STAG1: variants seen among roughly 807,000 people sequenced by gnomAD.
The protein encoded by STAG1 is STAG1 cohesin complex component.
STAG1 carries 26 observed loss-of-function variants against 170.9 expected under a neutral mutation model. The observed-to-expected ratio is 0.15, with a 90% CI of 0.11 to 0.21. STAG1 has a LOEUF of 0.21. Among genes scored for constraint, STAG1 ranks in the 10% least tolerant of loss-of-function variants. The probability of loss-of-function intolerance (pLI) is 1.00; values close to 1 mark genes in which losing one functional copy is unlikely to be tolerated. For missense variants in STAG1, 964 were observed against 1,509.5 expected, an observed-to-expected ratio of 0.64 and a Z score of 5.99; for synonymous variants, 514 against 497.7, an observed-to-expected ratio of 1.03 and a Z score of -0.44.
intron 1 of STAG1, among the ~76,000 whole-genome samples, chr3:136,645,799 G>A (rs112063043): frequency 2.0e-5 from 3 of 152,032 alleles, no homozygotes; most frequent in African/African-American, 4.8e-5. Context: ...ATATACCACC[G>A]TTTAATCTTC....
intron 1 of STAG1, among the ~76,000 whole-genome samples, chr3:136,682,770 A>C (rs201916869): frequency 1.5e-3 from 232 of 152,306 alleles, no homozygotes; most frequent in African/African-American, 5.4e-3. Flanking sequence ...ACTGCTGAAT[A>C]TATACCCAAA....
At chr3:136,462,777 C>T (rs891515064) in intron 13 of STAG1, among the ~76,000 whole-genome samples, 1 of 152,032 alleles carries the variant, frequency 6.6e-6, no homozygotes, top group Non-Finnish European at 1.5e-5. Flanking sequence ...ATCACATGTA[C>T]CCTATAAATA....
chr3:136,361,948 A>G (rs535163654), intron 26 of STAG1, among the ~76,000 whole-genome samples: 140 of 150,096 alleles, frequency 9.3e-4, no homozygotes, highest in African/African-American at 3.2e-3. Flanking sequence ...ATATATAATT[A>G]ATGCTTCTTT....
At chr3:136,598,388 A>G (rs1000415614) in intron 4 of STAG1, among the ~76,000 whole-genome samples, 1 of 151,222 alleles carries the variant, frequency 6.6e-6, no homozygotes, top group Admixed American at 6.6e-5. Flanking sequence ...TAATATTCAC[A>G]TTACAACTCT....
Position 136,593,168 on chromosome 3 carries a change from C to T in STAG1, c.297+11141G>A, listed in dbSNP as rs550409065. On this transcript the variant is annotated intron_variant, in intron 4 of 33. Transcript: ENST00000383202. ...ACTAAAGTTCACCATGCTCTGGTCA[C>T]TCGCGCATGTTTTTTCAGAAATAAG... 1.2e-3 allele frequency among the ~76,000 whole-genome samples: 189 copies of T among 152,310 alleles called. 1 individual carries two copies. The highest frequency in any genetic ancestry group is 0.01 in the Middle Eastern group (3 of 294).
intron 1 of STAG1, among the ~76,000 whole-genome samples, chr3:136,740,114 G>T (rs978409243): frequency 6.6e-6 from 1 of 152,018 alleles, no homozygotes; most frequent in Non-Finnish European, 1.5e-5. Flanking sequence ...TTTAAAGCAC[G>T]GTGGCAGGCA....
chr3:136,525,089 T>G (rs535715120), intron 6 of STAG1, among the ~76,000 whole-genome samples: 95 of 152,348 alleles, frequency 6.2e-4, no homozygotes, highest in African/African-American at 2.2e-3. Context: ...GGCTTTGGTA[T>G]CAAGATGATG....
intron 4 of STAG1, among the ~76,000 whole-genome samples, chr3:136,570,693 C>T (rs1361881390): frequency 6.6e-6 from 1 of 152,228 alleles, no homozygotes; most frequent in African/African-American, 2.4e-5. Flanking sequence ...AGATGCTCTA[C>T]ATCCTCACCC....
chr3:136,337,901 A>ATGT lies in STAG1; in HGVS notation c.*350_*352dup, dbSNP rs1560041089. 2 of 200,432 alleles carry ATGT rather than the reference A, an allele frequency of 1.0e-5. No homozygotes were observed. The highest frequency in any genetic ancestry group is 6.0e-5 in the Admixed American group (1 of 16,804). The allele number at this position is 200,432 out of a possible 1,614,324, so 12.4% of individuals were successfully genotyped here. ...TTAAAAATATGTTTTTTTTTACTCAATGTTGAGTTTTCATAAAACAGGTGT... is the reference window on the plus strand; with the variant it reads ...TTAAAAATATGTTTTTTTTTACTCAATGTTGTTGAGTTTTCATAAAACAGGTGT... On this transcript the variant is annotated 3_prime_UTR_variant, in exon 34 of 34. Transcript: ENST00000383202.
intron 1 of STAG1, among the ~76,000 whole-genome samples, chr3:136,658,063 C>A (rs1352322806): frequency 6.6e-6 from 1 of 152,008 alleles, no homozygotes; most frequent in African/African-American, 2.4e-5. Context: ...TGGCTCACAC[C>A]TGTAATCCCA....
At chr3:136,545,785 G>A (rs553918939) in intron 5 of STAG1, among the ~76,000 whole-genome samples, 1 of 151,992 alleles carries the variant, frequency 6.6e-6, no homozygotes, top group South Asian at 2.1e-4. Context: ...AGAATGCCTT[G>A]AAAACAGAAA....
At chr3:136,604,284 C>A in intron 4 of STAG1, 25 bp downstream of exon 4, 1 of 1,597,068 alleles carries the variant, frequency 6.3e-7, no homozygotes, top group Admixed American at 1.8e-5. Flanking sequence ...TTGCTTTATA[C>A]GTGAAATAAA....
chr3:136,663,350 T>C (rs1941643150), intron 1 of STAG1, among the ~76,000 whole-genome samples: 1 of 152,168 alleles, frequency 6.6e-6, no homozygotes, highest in South Asian at 2.1e-4. Flanking sequence ...CTATTCCTAC[T>C]TTAGAATAAG....
intron 5 of STAG1, among the ~76,000 whole-genome samples, chr3:136,561,402 T>C (rs1439302372): frequency 6.6e-6 from 1 of 152,230 alleles, no homozygotes; most frequent in Admixed American, 6.5e-5. Flanking sequence ...TTTTTGCCCT[T>C]AAACTCTTGA....
intron 4 of STAG1, among the ~76,000 whole-genome samples, chr3:136,569,968 CCAGTGGG>C (rs1261391832): frequency 2.0e-5 from 3 of 152,024 alleles, no homozygotes; most frequent in Non-Finnish European, 4.4e-5. Context: ...AGTTTGCATT[CCAGTGGG>C]CAGGATTGTT....
chr3:136,496,327 C>G (rs1239043624), intron 9 of STAG1, among the ~76,000 whole-genome samples: 1 of 152,130 alleles, frequency 6.6e-6, no homozygotes, highest in Non-Finnish European at 1.5e-5. Flanking sequence ...GCAGAATATA[C>G]CTTATTTTCT....
intron 26 of STAG1, 56 bp from the exon 27 acceptor site, chr3:136,359,352 T>C: frequency 2.3e-6 from 3 of 1,307,130 alleles, no homozygotes; most frequent in Non-Finnish European, 3.1e-6. Flanking sequence ...TAAACAGTTA[T>C]TTTCAGAATA....
chr3:136,647,475 A>G (rs2107852441), intron 1 of STAG1, among the ~76,000 whole-genome samples: 1 of 152,288 alleles, frequency 6.6e-6, no homozygotes, highest in Admixed American at 6.5e-5. Flanking sequence ...AGGCTGAGGC[A>G]GGAGACTCGC....
At chr3:136,558,452 C>A (rs932105566) in intron 5 of STAG1, among the ~76,000 whole-genome samples, 1 of 152,128 alleles carries the variant, frequency 6.6e-6, no homozygotes, top group Non-Finnish European at 1.5e-5. Flanking sequence ...CATCGCAATA[C>A]AGTAATTTGT....
Sources: gnomAD v4.1 joint callset for allele counts (sites outside exome capture counted in the v4.1 genomes callset) on GRCh38, gnomAD v4.1.1 for gene constraint, MANE v1.5 for transcripts, NCBI Gene and HGNC (gene_info 2026-07-23, HGNC 2026-07-21) for gene names.